The following XKR9 variants were observed in gnomAD, a reference collection of about 807,000 sequenced individuals.
XKR9 encodes XK-related protein 9.
Under a neutral mutation model 32.0 loss-of-function variants are expected in XKR9, and 32 were observed. That is an observed-to-expected ratio of 1.00 (90% CI 0.76 to 1.34). The LOEUF (loss-of-function observed/expected upper bound fraction) is 1.34. XKR9 is among the 40% of genes most tolerant of loss of function. XKR9 has a pLI of 0.00. For synonymous variants in XKR9, 168 were observed against 143.4 expected (o/e 1.17, Z -1.22); for missense variants, 546 against 429.7 (o/e 1.27, Z -2.39).
intron 4 of XKR9, among the ~76,000 whole-genome samples, chr8:70,712,265 A>G (rs1805943714): frequency 6.6e-6 from 1 of 152,162 alleles, no homozygotes; most frequent in African/African-American, 2.4e-5. Flanking sequence ...TCTTCCCCTG[A>G]AAATATCTAA....
At chr8:70,874,980 T>G in the XKR9 span, among the ~76,000 whole-genome samples, 1 of 152,146 alleles carries the variant, frequency 6.6e-6, no homozygotes, top group Non-Finnish European at 1.5e-5. Context: ...TGGAACTAGT[T>G]TAGTGTCAGT....
the XKR9 span, among the ~76,000 whole-genome samples, chr8:70,920,617 G>T: frequency 6.6e-6 from 1 of 152,036 alleles, no homozygotes; most frequent in Non-Finnish European, 1.5e-5. Flanking sequence ...TTTAAGCAGA[G>T]GTTAAAAGAC....
the XKR9 span, among the ~76,000 whole-genome samples, chr8:70,882,455 T>C: frequency 6.6e-6 from 1 of 151,738 alleles, no homozygotes; most frequent in Non-Finnish European, 1.5e-5. Context: ...TATGTATATA[T>C]AAATGTGATA....
the XKR9 span, among the ~76,000 whole-genome samples, chr8:70,822,713 G>C: frequency 6.6e-6 from 1 of 152,024 alleles, no homozygotes; most frequent in Non-Finnish European, 1.5e-5. Flanking sequence ...CAGCAAGCAT[G>C]ACTTGTTTCC....
chr8:70,969,696 T>C, the XKR9 span, among the ~76,000 whole-genome samples: 1 of 152,238 alleles, frequency 6.6e-6, no homozygotes, highest in Non-Finnish European at 1.5e-5. Context: ...GTGTTTTAAA[T>C]GCATGAATTT....
chr8:71,009,346 T>C, the XKR9 span, among the ~76,000 whole-genome samples: 1 of 152,202 alleles, frequency 6.6e-6, no homozygotes, highest in Non-Finnish European at 1.5e-5. Flanking sequence ...TTTTTGTTTT[T>C]TGCTCATGAG....
chr8:70,670,718 A>G (rs1818686212), intron 1 of XKR9: 1 of 152,216 alleles, frequency 6.6e-6, no homozygotes, highest in South Asian at 2.1e-4. Flanking sequence ...ATGGAAAAAT[A>G]TTCAAAAAAT....
At chr8:70,853,954 T>G in the XKR9 span, among the ~76,000 whole-genome samples, 1 of 152,214 alleles carries the variant, frequency 6.6e-6, no homozygotes, top group African/African-American at 2.4e-5. Context: ...TGGTTCCAAG[T>G]CTTTGCTATT....
intron 2 of XKR9, among the ~76,000 whole-genome samples, chr8:70,740,967 C>T (rs994988982): frequency 3.3e-5 from 5 of 152,210 alleles, no homozygotes; most frequent in East Asian, 1.9e-4. Flanking sequence ...TCTCCAGCTG[C>T]GGGCTGGGAG....
At chr8:71,037,917 T>C in the XKR9 span, among the ~76,000 whole-genome samples, 1 of 152,190 alleles carries the variant, frequency 6.6e-6, no homozygotes, top group Non-Finnish European at 1.5e-5. Context: ...AAAACTCACA[T>C]CTGTCTTTGG....
chr8:70,811,488 T>C, the XKR9 span, among the ~76,000 whole-genome samples: 3 of 152,142 alleles, frequency 2.0e-5, no homozygotes, highest in African/African-American at 7.2e-5. Flanking sequence ...TTCAAAAAAT[T>C]AATGAATCCA....
the XKR9 span, among the ~76,000 whole-genome samples, chr8:70,987,055 G>A: frequency 6.6e-6 from 1 of 152,118 alleles, no homozygotes; most frequent in South Asian, 2.1e-4. Flanking sequence ...ACAGTATGGG[G>A]GAAACCACCC....
At chr8:70,930,772 T>C in the XKR9 span, among the ~76,000 whole-genome samples, 1 of 152,202 alleles carries the variant, frequency 6.6e-6, no homozygotes, top group South Asian at 2.1e-4. Flanking sequence ...ATCCTCTCTC[T>C]CGTCAGCACT....
the XKR9 span, among the ~76,000 whole-genome samples, chr8:71,011,781 G>T: frequency 3.3e-5 from 5 of 152,134 alleles, no homozygotes; most frequent in African/African-American, 1.2e-4. Flanking sequence ...GCATTATGGG[G>T]GGAAACTGTT....
chr8:70,731,921 A>G (rs1269564316), intron 4 of XKR9, among the ~76,000 whole-genome samples: 1 of 152,128 alleles, frequency 6.6e-6, no homozygotes, highest in Non-Finnish European at 1.5e-5. Flanking sequence ...CTAATCAAGA[A>G]CTCCAAGAGT....
At position 70,775,971 on chromosome 8, in the gene XKR9, C is replaced by A. The variant is rs1586893691; in HGVS notation, n.353-13368C>A. Among the ~76,000 whole-genome samples the A allele has an allele frequency of 2.0e-5, 3 of 152,040 alleles. No individual in the cohort carries two copies. The South Asian group carries it at 6.2e-4, about 32-fold the overall frequency. ...ATCTTGCCCTGCCTGATCTCAAACT[C>A]CTGTACTTAAACAATCCTCCCATCT... On this transcript the variant is annotated intron_variant and non_coding_transcript_variant, in intron 2 of 3. Coordinates refer to the XKR9 transcript ENST00000520273.
At chr8:70,722,186 T>G (rs974557304) in intron 4 of XKR9, among the ~76,000 whole-genome samples, 1 of 152,108 alleles carries the variant, frequency 6.6e-6, no homozygotes, top group Non-Finnish European at 1.5e-5. Context: ...ATTTTGAGCC[T>G]ATGTGTGCAC....
At chr8:70,960,418 A>T in the XKR9 span, among the ~76,000 whole-genome samples, 1 of 152,236 alleles carries the variant, frequency 6.6e-6, no homozygotes, top group Admixed American at 6.5e-5. Context: ...CATGACCTAG[A>T]CTTGTCCACT....
the XKR9 span, among the ~76,000 whole-genome samples, chr8:70,814,254 G>T: frequency 6.6e-6 from 1 of 152,074 alleles, no homozygotes; most frequent in Non-Finnish European, 1.5e-5. Flanking sequence ...AGAACACGTG[G>T]ACACAGGAAG....
Sources: gnomAD v4.1 joint callset for allele counts (sites outside exome capture counted in the v4.1 genomes callset) on GRCh38, gnomAD v4.1.1 for gene constraint, MANE v1.5 for transcripts, NCBI Gene and HGNC (gene_info 2026-07-23, HGNC 2026-07-21) for gene names.